The following VAMP7 variants were observed in gnomAD, a reference collection of about 807,000 sequenced individuals.
VAMP7 encodes vesicle-associated membrane protein 7.
Under a neutral mutation model 29.6 loss-of-function variants are expected in VAMP7, and 14 were observed. That is an observed-to-expected ratio of 0.47 (90% CI 0.31 to 0.74). The LOEUF is 0.74. Among genes scored for constraint, VAMP7 ranks in the 30% least tolerant of loss-of-function variants. The pLI, the probability that VAMP7 is intolerant of heterozygous loss-of-function variation, is 0.05. For missense variants in VAMP7, 223 were observed against 262.4 expected, an observed-to-expected ratio of 0.85 and a Z score of 1.04; for synonymous variants, 95 against 88.1, an observed-to-expected ratio of 1.08 and a Z score of -0.44.
intron 6 of VAMP7, among the ~76,000 whole-genome samples, chrX:155,934,680 G>C (rs1241437926): frequency 6.6e-6 from 1 of 152,012 alleles, no homozygotes; most frequent in Non-Finnish European, 1.5e-5. Context: ...TCTTTTAATT[G>C]GAGCATTTAG....
intron 6 of VAMP7, among the ~76,000 whole-genome samples, chrX:155,930,569 G>C (rs907993316): frequency 6.6e-6 from 1 of 151,068 alleles, no homozygotes; most frequent in African/African-American, 2.4e-5. Context: ...AGAATTGCTT[G>C]AACCCAGGAA....
At chrX:155,885,246 A>G (rs994977729) in intron 1 of VAMP7, among the ~76,000 whole-genome samples, 23 of 152,124 alleles carry the variant, frequency 1.5e-4, no homozygotes, top group African/African-American at 5.1e-4. Context: ...TCTAACTCCA[A>G]ACTGTTGTGG....
intron 6 of VAMP7, among the ~76,000 whole-genome samples, chrX:155,924,301 A>C (rs2066438646): frequency 6.6e-6 from 1 of 152,132 alleles, no homozygotes; most frequent in African/African-American, 2.4e-5. Flanking sequence ...TATAGCATAA[A>C]ATTTTGCCAT....
At chrX:155,902,978 T>A (rs1181142897) in intron 5 of VAMP7, among the ~76,000 whole-genome samples, 1 of 151,710 alleles carries the variant, frequency 6.6e-6, no homozygotes, top group Admixed American at 6.6e-5. Context: ...GGTAGAATTC[T>A]GCTGTGAATC....
intron 5 of VAMP7, among the ~76,000 whole-genome samples, chrX:155,914,447 A>T (rs780098767): frequency 6.6e-6 from 1 of 152,284 alleles, no homozygotes; most frequent in Admixed American, 6.5e-5. Context: ...GCTGGTTTTC[A>T]AAGGGAATAC....
intron 4 of VAMP7, 135 bp downstream of exon 4, chrX:155,898,384 C>T: frequency 8.3e-7 from 1 of 1,201,012 alleles, no homozygotes; most frequent in Non-Finnish European, 1.1e-6. Context: ...ATAAAACTTC[C>T]CTGATTAAAA....
At chrX:155,934,331 G>A (rs1028978821) in intron 6 of VAMP7, among the ~76,000 whole-genome samples, 9 of 152,144 alleles carry the variant, frequency 5.9e-5, no homozygotes, top group African/African-American at 1.9e-4. Flanking sequence ...TTGTATGGGA[G>A]TCTAAGTCTC....
At chrX:155,933,040 C>A (rs2066588133) in intron 6 of VAMP7, among the ~76,000 whole-genome samples, 2 of 152,040 alleles carry the variant, frequency 1.3e-5, no homozygotes, top group South Asian at 4.2e-4. Context: ...GCCTTGCATC[C>A]CAGGGATGAA....
At chrX:155,915,126 C>T (rs1382649340) in intron 5 of VAMP7, among the ~76,000 whole-genome samples, 1 of 152,126 alleles carries the variant, frequency 6.6e-6, no homozygotes, top group Non-Finnish European at 1.5e-5. Flanking sequence ...TCCATTTCTT[C>T]CAGATTTTCT....
At chrX:155,938,034 T>G (rs1392796282) in intron 6 of VAMP7, among the ~76,000 whole-genome samples, 1 of 152,214 alleles carries the variant, frequency 6.6e-6, no homozygotes, top group Non-Finnish European at 1.5e-5. Flanking sequence ...TTTTGGAATG[T>G]TGTCATGTTA....
At chrX:155,894,572 T>G (rs1011725167) in intron 2 of VAMP7, among the ~76,000 whole-genome samples, 2 of 152,034 alleles carry the variant, frequency 1.3e-5, no homozygotes, top group Non-Finnish European at 1.5e-5. Context: ...TAGGCCCTTA[T>G]GCTTGCTGCT....
intron 5 of VAMP7, among the ~76,000 whole-genome samples, chrX:155,911,500 T>A: frequency 6.6e-6 from 1 of 152,280 alleles, no homozygotes; most frequent in East Asian, 1.9e-4. Context: ...ATGACATTGG[T>A]ACTTCGATAG....
At chrX:155,907,619 G>A (rs1362118621) in intron 5 of VAMP7, among the ~76,000 whole-genome samples, 2 of 151,810 alleles carry the variant, frequency 1.3e-5, no homozygotes, top group Non-Finnish European at 2.9e-5. Flanking sequence ...GGATCCCAAG[G>A]CAGAAGAATT....
chrX:155,912,282 G>A (rs1438182571), intron 5 of VAMP7, among the ~76,000 whole-genome samples: 4 of 151,980 alleles, frequency 2.6e-5, no homozygotes, highest in East Asian at 1.9e-4. Flanking sequence ...TTTGAGCTAT[G>A]TCATCATACT....
intron 6 of VAMP7, among the ~76,000 whole-genome samples, chrX:155,932,660 A>AATTTG (rs2066579823): frequency 6.6e-6 from 1 of 152,166 alleles, no homozygotes; most frequent in Admixed American, 6.5e-5. Context: ...AAACAGGGAC[A>AATTTG]ATTTGATTTC....
intron 1 of VAMP7, among the ~76,000 whole-genome samples, chrX:155,888,084 T>C (rs2124226928): frequency 6.6e-6 from 1 of 152,248 alleles, no homozygotes; most frequent in Non-Finnish European, 1.5e-5. Context: ...AGAAGATGGT[T>C]GAGATCACAA....
intron 2 of VAMP7, among the ~76,000 whole-genome samples, chrX:155,894,912 G>T (rs181053252): frequency 1.3e-5 from 2 of 152,050 alleles, no homozygotes; most frequent in African/African-American, 2.4e-5. Context: ...CAGCCACCAC[G>T]CCTGGCCTTT....
At chrX:155,922,829 G>C (rs1219606751) in intron 6 of VAMP7, among the ~76,000 whole-genome samples, 1 of 151,940 alleles carries the variant, frequency 6.6e-6, no homozygotes, top group African/African-American at 2.4e-5. Context: ...TTCTTCGTTG[G>C]AAAATTTAAA....
Position 155,900,470 on chromosome X carries a change from C to G in VAMP7, c.343-27C>G, listed in dbSNP as rs775897606. ...CCTATTGTAAATAATGTCTAGGTAC[C>G]ATAAGTTAAAACTTATTTTCTTATA... On this transcript the variant is annotated intron_variant, in intron 4 of 7. Transcript: ENST00000286448. The G allele has an allele frequency of 2.6e-6, 4 of 1,537,746 alleles. No homozygotes were observed. The South Asian group carries it at 4.8e-5, about 18-fold the overall frequency.
Sources: allele counts gnomAD v4.1 joint callset (sites outside exome capture counted in the v4.1 genomes callset), GRCh38; gene constraint gnomAD v4.1.1; transcripts MANE v1.5; gene names NCBI Gene and HGNC (gene_info 2026-07-23, HGNC 2026-07-21).